The following FAM110C variants were observed in gnomAD, a reference collection of about 807,000 sequenced individuals.
The protein encoded by FAM110C is protein FAM110C.
FAM110C carries 19 observed loss-of-function variants against 15.7 expected under a neutral mutation model. The observed-to-expected ratio is 1.21, with a 90% CI of 0.85 to 1.78. FAM110C has a LOEUF of 1.78. Among genes scored for constraint, FAM110C ranks in the 40% most tolerant of loss-of-function variants. The probability of loss-of-function intolerance (pLI) is 0.00; values close to 1 mark genes in which losing one functional copy is unlikely to be tolerated. For synonymous variants in FAM110C, 275 were observed against 233.9 expected, an observed-to-expected ratio of 1.18 and a Z score of -1.61; for missense variants, 547 against 495.7, an observed-to-expected ratio of 1.10 and a Z score of -0.98.
chr2:42,109 C>A, intron 1 of FAM110C: 1 of 985,376 alleles, frequency 1.0e-6, no homozygotes, highest in Non-Finnish European at 1.2e-6. Flanking sequence ...ACTCAAGCCA[C>A]GTGTTTACCT....
rs988420460 is a variant in FAM110C, at chr2:46,140, C to G, written c.246G>C (p.Pro82=). The part of the protein sequence containing the change: ...GNDPGPPARA[P]APVARRAIAR... ...CAATAGCCCTGCGCGCCACCGGGGC[C>G]GGGGCGCGGGCCGGGGGCCCAGGGT... The change falls in exon 1 of 2, where the codon CCG becomes CCC. Residue 82 remains proline, a synonymous_variant. Transcript: ENST00000327669. 11 of 1,432,032 alleles carry G rather than the reference C, an allele frequency of 7.7e-6. No homozygotes were observed. Among genetic ancestry groups the G allele is most frequent in the Non-Finnish European group, 8.2e-6 (9 of 1,099,102 alleles). 88.7% of individuals were successfully genotyped at this position (1,432,032 alleles called of 1,614,324 possible). A position where few individuals can be genotyped will look rare whatever the true frequency, so the allele number is the denominator to read the frequency against.
At chr2:44,639 T>G in intron 1 of FAM110C, 1 of 985,394 alleles carries the variant, frequency 1.0e-6, no homozygotes, top group Non-Finnish European at 1.2e-6. Flanking sequence ...CAGGTAACAG[T>G]GAAGACCAGC....
At chr2:44,389 G>A in intron 1 of FAM110C, 1 of 985,392 alleles carries the variant, frequency 1.0e-6, no homozygotes, top group Non-Finnish European at 1.2e-6. Context: ...TGAGCCCTGT[G>A]CAAACATCTC....
In FAM110C at chr2:45,891, G is replaced by C. The variant is rs1168267949; in HGVS notation, c.495C>G (p.Pro165=). The change falls in exon 1 of 2, where the codon CCC becomes CCG. Residue 165 remains proline, a synonymous_variant. Transcript: ENST00000327669. The part of the protein sequence containing the change: ...TPGPAADPAI[P]ETPAPAARSA... ...ACCGCGCGGCTGGGGCTGGGGTCTC[G>C]GGGATTGCGGGGTCCGCCGCGGGGC... 7.0e-7 allele frequency: 1 copy of C among 1,429,408 alleles called. No individual in the cohort carries two copies. The highest frequency in any genetic ancestry group is 9.0e-7 in the Non-Finnish European group (1 of 1,106,262). The allele number at this position is 1,429,408 out of a possible 1,614,324, so 88.5% of individuals were successfully genotyped here. A position where few individuals can be genotyped will look rare whatever the true frequency, so the allele number is the denominator to read the frequency against.
chr2:45,468 G>T lies in FAM110C; in HGVS notation c.918C>A (p.Thr306=). ...WLYTCKKAKE[T]PSQEQSRTRG... ...GGGTCCGGCTCTGCTCCTGGCTGGG[G>T]GTCTCCTTGGCCTTCTTACAGGTGT... is the stretch of plus-strand genomic sequence containing the variant. Residue 306 remains threonine (T), a synonymous_variant, in exon 1 of 2, where the codon ACC becomes ACA. Transcript: ENST00000327669. 1 of 1,613,136 alleles carries T rather than the reference G, an allele frequency of 6.2e-7. No homozygotes were observed. Among genetic ancestry groups the T allele is most frequent in the South Asian group, 1.1e-5 (1 of 91,032 alleles).
Position 45,860 on chromosome 2 carries a change from C to A in FAM110C, c.526G>T (p.Ala176Ser). ...ETPAPAARSA[A>S]PSSVPAAPPG... ...GGCGCGGCCGGGACACTGGAGGGCG[C>A]CGCGGACCGCGCGGCTGGGGCTGGG... The change falls in exon 1 of 2, where the codon GCG becomes TCG. Residue 176 changes from alanine to serine, a missense_variant. Coordinates refer to ENST00000327669, the MANE Select transcript of FAM110C (RefSeq NM_001077710.3). 6.7e-7 allele frequency: 1 copy of A among 1,502,650 alleles called. No homozygotes were observed. The highest frequency in any genetic ancestry group is 8.8e-7 in the Non-Finnish European group (1 of 1,134,468). 93.1% of individuals were successfully genotyped at this position (1,502,650 alleles called of 1,614,324 possible).
At position 46,363 on chromosome 2, in the gene FAM110C, C is replaced by G. The variant is rs920739583; in HGVS notation, c.23G>C (p.Ser8Thr). The change falls in exon 1 of 2, where the codon AGC (serine) becomes ACC (threonine). Residue 8 changes from serine (S) to threonine (T), a missense_variant. Physicochemically the swap from Ser to Thr is moderately conservative, Grantham distance 58. Coordinates refer to ENST00000327669, the MANE Select transcript of FAM110C (RefSeq NM_001077710.3). ...AAGGAGCCGCTCGTTCGGGGGCGCG[C>G]TCAGGGCCGCCAGGGCGCGCATCTT... MRALAALSAPPNERLLPR... is the reference protein window; with the variant it reads MRALAALTAPPNERLLPR... The G allele has an allele frequency of 7.7e-6, 10 of 1,302,516 alleles. No individual in the cohort carries two copies. The highest frequency in any genetic ancestry group is 4.2e-5 in the Admixed American group (1 of 23,816). 80.7% of individuals were successfully genotyped at this position (1,302,516 alleles called of 1,614,324 possible).
chr2:46,394 G>A lies in FAM110C; in HGVS notation c.-9C>T. The A allele has an allele frequency of 3.9e-6, 5 of 1,267,332 alleles. No homozygotes were observed. The highest frequency in any genetic ancestry group is 4.0e-6 in the Non-Finnish European group (4 of 1,007,686). The allele number at this position is 1,267,332 out of a possible 1,614,324, so 78.5% of individuals were successfully genotyped here. On this transcript the variant is annotated 5_prime_UTR_variant, in exon 1 of 2. Transcript: ENST00000327669. The stretch of plus-strand genomic sequence containing the variant: ...GCCGCCAGGGCGCGCATCTTCGCGG[G>A]GAATGGACCGACCGGGGTTCCGGGT...
In FAM110C at chr2:45,821, G is replaced by T. The variant is rs750826407; in HGVS notation, c.565C>A (p.Pro189Thr). The change falls in exon 1 of 2, where the codon CCG becomes ACG. Residue 189 changes from proline to threonine, a missense_variant. By Grantham distance (38) the Pro-to-Thr change is conservative. Transcript: ENST00000327669. ...AGCCCCCGACGCCTCACCACCCGCG[G>T]CTCTGGCCCAGGGGGCGCGGCCGGG... ...SVPAAPPGPE[P>T]RVVRRRGLQR... 6.5e-7 allele frequency: 1 copy of T among 1,544,610 alleles called. No homozygotes were observed. The highest frequency in any genetic ancestry group is 1.7e-4 in the Middle Eastern group (1 of 5,846).
At chr2:44,731 T>A (rs1664229655) in intron 1 of FAM110C, 1 of 985,424 alleles carries the variant, frequency 1.0e-6, no homozygotes, top group Middle Eastern at 5.2e-4. Context: ...GGTTACTTCC[T>A]GTAGTGTCAT....
rs1453626695 is a variant in FAM110C, at chr2:45,749, C to A, written c.637G>T (p.Ala213Ser). Residue 213 changes from alanine (A) to serine (S), a missense_variant, in exon 1 of 2, where the codon GCC becomes TCC. Physicochemically the swap from Ala to Ser is moderately conservative, Grantham distance 99. Coordinates refer to ENST00000327669, the MANE Select transcript of FAM110C (RefSeq NM_001077710.3). ...TACTGGAAGAAGGTGTCAGACTCGG[C>A]CAAGGCAGCGGAATAGCGGGAGCTG... ...DLSSRYSAAL[A>S]ESDTFFQYCG... The A allele has an allele frequency of 1.3e-6, 2 of 1,591,090 alleles. No homozygotes were observed. Among genetic ancestry groups the A allele is most frequent in the African/African-American group, 1.3e-5 (1 of 74,702 alleles).
chr2:44,377 G>A, intron 1 of FAM110C: 1 of 985,348 alleles, frequency 1.0e-6, no homozygotes, highest in South Asian at 4.7e-5. Context: ...GTCAAACATA[G>A]GTGAGCCCTG....
At chr2:45,152 C>T (rs572626959) in intron 1 of FAM110C, 2 of 985,410 alleles carry the variant, frequency 2.0e-6, no homozygotes, top group East Asian at 2.3e-4. Context: ...AATAATAAGC[C>T]AAATGGGACA....
chr2:41,844 A>G, intron 1 of FAM110C: 5 of 985,342 alleles, frequency 5.1e-6, no homozygotes, highest in Non-Finnish European at 6.0e-6. Flanking sequence ...AACAAATTCC[A>G]TCTCCCTGCA....
intron 1 of FAM110C, chr2:42,743 CTCTA>C (rs1272602935): frequency 1.8e-5 from 13 of 717,544 alleles, no homozygotes; most frequent in Non-Finnish European, 2.2e-5. Context: ...AGTTGTAAAT[CTCTA>C]TCTACCAAGA....
At position 45,552 on chromosome 2, in the gene FAM110C, C is replaced by G. The variant is rs1238546873; in HGVS notation, c.834G>C (p.Glu278Asp). ...DEGLQEEELI[E>D]QVPSTTSVIE... ...TGACCGAAGTGGTGCTGGGCACCTG[C>G]TCTATCAGCTCCTCCTCCTGCAGCC... The change falls in exon 1 of 2, where the codon GAG becomes GAC. Residue 278 changes from glutamate to aspartate, a missense_variant. By Grantham distance (45) the Glu-to-Asp change is conservative (BLOSUM62 2). Coordinates refer to ENST00000327669, the MANE Select transcript of FAM110C (RefSeq NM_001077710.3). 6.2e-7 allele frequency: 1 copy of G among 1,614,064 alleles called. No homozygotes were observed.
Position 46,356 on chromosome 2 carries a change from G to A in FAM110C, c.30C>T (p.Pro10=), listed in dbSNP as rs908509633. The A allele has an allele frequency of 1.7e-5, 22 of 1,304,674 alleles. No homozygotes were observed. The highest frequency in any genetic ancestry group is 1.3e-4 in the South Asian group (6 of 45,004). The allele number at this position is 1,304,674 out of a possible 1,614,324, so 80.8% of individuals were successfully genotyped here. MRALAALSA[P]PNERLLPRDP... is the part of the protein sequence containing the mutation. ...CCCGGGGAAGGAGCCGCTCGTTCGG[G>A]GGCGCGCTCAGGGCCGCCAGGGCGC... Residue 10 remains proline, a synonymous_variant, in exon 1 of 2, where the codon CCC becomes CCT. Coordinates refer to ENST00000327669, the MANE Select transcript of FAM110C (RefSeq NM_001077710.3).
In FAM110C at chr2:42,674, T is replaced by C. The variant is rs73140409; in HGVS notation, c.947-1047A>G. On this transcript the variant is annotated intron_variant, in intron 1 of 1. Transcript: ENST00000327669. Reference sequence around the variant, plus strand: ...TTGAAAAGCAATTATCTTTACCCCATGGGGCAAGAAACTTATAAACGTATT... The same window carrying C: ...TTGAAAAGCAATTATCTTTACCCCACGGGGCAAGAAACTTATAAACGTATT... 3.0e-4 allele frequency: 93 copies of C among 305,816 alleles called. 1 individual carries two copies. The highest frequency in any genetic ancestry group is 2.1e-3 in the African/African-American group (91 of 44,276). The allele number at this position is 305,816 out of a possible 1,614,324, so 18.9% of individuals were successfully genotyped here.
rs767039777 is a variant in FAM110C, at chr2:45,713, C to A, written c.673G>T (p.Asp225Tyr). Residue 225 changes from aspartate (D) to tyrosine (Y), a missense_variant, in exon 1 of 2, where the codon GAC (aspartate) becomes TAC (tyrosine). Physicochemically the swap from Asp to Tyr is radical, Grantham distance 160. Transcript: ENST00000327669. ...CCCAGGGCCTCCACCACCTCGGGGT[C>A]CAGGCCGCAGTACTGGAAGAAGGTG... Reference protein sequence around the residue: ...SDTFFQYCGLDPEVVEALGRE... With the variant: ...SDTFFQYCGLYPEVVEALGRE... 4 of 1,602,196 alleles carry A rather than the reference C, an allele frequency of 2.5e-6. No homozygotes were observed.
Sources: allele counts gnomAD v4.1 joint callset, GRCh38; gene constraint gnomAD v4.1.1; transcripts MANE v1.5; gene names NCBI Gene and HGNC (gene_info 2026-07-23, HGNC 2026-07-21).